The following KDM2B variants were observed in gnomAD, a reference collection of about 807,000 sequenced individuals.
The protein encoded by KDM2B is lysine demethylase 2B, also known as lysine-specific demethylase 2B.
In KDM2B, 26 loss-of-function variants were observed where a neutral mutation model predicts 150.0. The observed-to-expected ratio is 0.17, with a 90% confidence interval of 0.13 to 0.24. The LOEUF (loss-of-function observed/expected upper bound fraction) is 0.24, where lower values mean the gene tolerates loss of function less well. Ranked by LOEUF, KDM2B falls within the 10% of genes least tolerant of loss-of-function variation. KDM2B has a pLI of 1.00. For synonymous variants in KDM2B, 734 were observed against 729.5 expected (o/e 1.01, Z -0.10); for missense variants, 1,265 against 1,816.9 (o/e 0.70, Z 5.52).
At position 121,467,176 on chromosome 12, in the gene KDM2B, A is replaced by G. The variant is rs1555294994; in HGVS notation, c.1735-13832T>C. 17 of 1,119,896 alleles carry G rather than the reference A, an allele frequency of 1.5e-5. No homozygotes were observed. The highest frequency in any genetic ancestry group is 1.9e-5 in the Non-Finnish European group (17 of 898,074). 69.4% of individuals were successfully genotyped at this position (1,119,896 alleles called of 1,614,324 possible). The stretch of plus-strand genomic sequence containing the variant: ...CGCCGACCTGGTCCGGCTCCGATTC[A>G]TAGTCGTCGTCCTCGGCGCTCACGG... On this transcript the variant is annotated intron_variant, in intron 12 of 22. Transcript: ENST00000377071. This position sits in a 1 kb window ranked among gnomAD's most constrained non-coding sequence, Gnocchi z 5.1.
chr12:121,423,098 T>G, the KDM2B span, among the ~76,000 whole-genome samples: 3 of 152,264 alleles, frequency 2.0e-5, no homozygotes, highest in African/African-American at 7.2e-5. The surrounding 1 kb of genome is among the most constrained non-coding windows in gnomAD (Gnocchi z 4.3). Flanking sequence ...CTATCACAGA[T>G]GTCTTGAATT....
chr12:121,421,467 T>TGCTTG, the KDM2B span, among the ~76,000 whole-genome samples: 1 of 149,562 alleles, frequency 6.7e-6, no homozygotes, highest in Non-Finnish European at 1.5e-5. Context: ...GGGGGAGGAT[T>TGCTTG]GCTTGAGCCT....
intron 4 of KDM2B, among the ~76,000 whole-genome samples, chr12:121,551,318 C>T (rs1889471216): frequency 6.6e-6 from 1 of 151,678 alleles, no homozygotes; most frequent in South Asian, 2.1e-4. Flanking sequence ...TTGAGACCAG[C>T]CTGGGGAACA....
Position 121,452,976 on chromosome 12 carries a change from C to T in KDM2B, c.1959+144G>A, listed in dbSNP as rs782515302. On this transcript the variant is annotated intron_variant, in intron 13 of 22. Transcript: ENST00000377071. This position sits in a 1 kb window ranked among gnomAD's most constrained non-coding sequence, Gnocchi z 4.4. The stretch of plus-strand genomic sequence containing the variant: ...GCCTGCGAAGCGGCCAGCGCCTTCC[C>T]GTCCACAGGAAGAGCTCTCGGGGAG... 62 of 754,966 alleles carry T rather than the reference C, an allele frequency of 8.2e-5. No homozygotes were observed. The highest frequency in any genetic ancestry group is 1.2e-4 in the Non-Finnish European group (57 of 486,072). 46.8% of individuals were successfully genotyped at this position (754,966 alleles called of 1,614,324 possible).
rs1166095926 is a variant in KDM2B, at chr12:121,546,366, CT to C, written c.683+2510del. Among the ~76,000 whole-genome samples the C allele has an allele frequency of 9.4e-4, 116 of 123,502 alleles. 1 individual carries two copies. The highest frequency in any genetic ancestry group is 1.1e-3 in the Non-Finnish European group (64 of 58,900). The allele number at this position is 123,502 out of a possible 152,430, so 81.0% of individuals were successfully genotyped here. A position where few individuals can be genotyped will look rare whatever the true frequency, so the allele number is the denominator to read the frequency against. ...TTCACTTCTCTCCCATCTCCTCTGT[CT>C]TTTTTTTTTGCCTTTTTTTTTTTTT... On this transcript the variant is annotated intron_variant, in intron 6 of 22. Coordinates refer to ENST00000377071, the MANE Select transcript of KDM2B (RefSeq NM_032590.5).
At chr12:121,477,578 C>CG (rs1566314855) in intron 12 of KDM2B, among the ~76,000 whole-genome samples, 8 of 87,550 alleles carry the variant, frequency 9.1e-5, no homozygotes, top group African/African-American at 7.3e-4. Flanking sequence ...TTTTGTCTTT[C>CG]CTTTTTTTTT....
intron 12 of KDM2B, among the ~76,000 whole-genome samples, chr12:121,456,471 C>T (rs548429666): frequency 1.3e-5 from 2 of 152,310 alleles, no homozygotes; most frequent in South Asian, 4.1e-4. Context: ...CTATGGGCGG[C>T]GTCTAAGGCC....
rs529392943 is a variant in KDM2B, at chr12:121,440,608, G to A, written c.3610+208C>T. ...TCAACAGGAAAGCAGAGAGACGCAC[G>A]CGGAGCCCCAGGAGCGAGTCTCACG... On this transcript the variant is annotated intron_variant, in intron 21 of 22. Coordinates refer to ENST00000377071, the MANE Select transcript of KDM2B (RefSeq NM_032590.5). 154 of 547,266 alleles carry A rather than the reference G, an allele frequency of 2.8e-4. No individual in the cohort carries two copies. The South Asian group carries it at 3.8e-3, about 13-fold the overall frequency. The allele number at this position is 547,266 out of a possible 1,614,324, so 33.9% of individuals were successfully genotyped here. A position where few individuals can be genotyped will look rare whatever the true frequency, so the allele number is the denominator to read the frequency against.
intron 1 of KDM2B, chr12:121,579,989 G>GA (rs35855511): frequency 0.1 from 120,308 of 1,181,390 alleles, 142 homozygotes; most frequent in Non-Finnish European, 0.11. Context: ...TACAGATTTG[G>GA]AAAAAAAAAA....
intron 9 of KDM2B, chr12:121,516,714 C>T: frequency 1.6e-6 from 1 of 629,736 alleles, no homozygotes; most frequent in East Asian, 2.7e-5. Context: ...CTCAGCCCTT[C>T]CTCGGAGGTC....
At chr12:121,580,530 G>A (rs1891892842) in intron 1 of KDM2B, 1 of 1,269,494 alleles carries the variant, frequency 7.9e-7, no homozygotes, top group Non-Finnish European at 1.0e-6. Flanking sequence ...ACTTTTGGAG[G>A]GCCGAGTTGC....
intron 12 of KDM2B, among the ~76,000 whole-genome samples, chr12:121,474,274 G>A (rs1030609136): frequency 7.2e-5 from 11 of 152,058 alleles, no homozygotes; most frequent in African/African-American, 2.7e-4. Context: ...AGCACTTTGG[G>A]AGGCCGAGGT....
intron 12 of KDM2B, among the ~76,000 whole-genome samples, chr12:121,479,386 G>T (rs950881291): frequency 2.0e-5 from 3 of 150,310 alleles, no homozygotes; most frequent in Non-Finnish European, 3.0e-5. Context: ...AGAATGGCGT[G>T]AACCCGGGAG....
intron 12 of KDM2B, among the ~76,000 whole-genome samples, chr12:121,472,710 A>C (rs1880895628): frequency 6.6e-6 from 1 of 151,994 alleles, no homozygotes; most frequent in Admixed American, 6.6e-5. Context: ...TTTTTCCACC[A>C]CTCACCCCAT....
At position 121,532,903 on chromosome 12, in the gene KDM2B, C is replaced by T; in HGVS notation, c.834G>A (p.Val278=). 1.2e-6 allele frequency: 2 copies of T among 1,614,264 alleles called. No homozygotes were observed. The highest frequency in any genetic ancestry group is 1.7e-6 in the Non-Finnish European group (2 of 1,180,048). ...AGATGTCACTCTGTTTGCCTGACAG[C>T]ACCCACTCCTCGTACAGCGCCAAAT... ...LHNLALYEEW[V]LSGKQSDIFL... Residue 278 remains valine, a synonymous_variant, in exon 8 of 23, where the codon GTG becomes GTA. Coordinates refer to ENST00000377071, the MANE Select transcript of KDM2B (RefSeq NM_032590.5).
At chr12:121,428,233 G>A (rs963044205), downstream of KDM2B, among the ~76,000 whole-genome samples, 7 of 151,702 alleles carry the variant, frequency 4.6e-5, no homozygotes, top group African/African-American at 7.3e-5. Context: ...TCTCGCGGTC[G>A]CCAGGCTGGA....
In KDM2B at chr12:121,513,370, A is replaced by G; in HGVS notation, c.1080T>C (p.Tyr360=). Residue 360 remains tyrosine, a synonymous_variant, in exon 10 of 23, where the codon TAT becomes TAC. Transcript: ENST00000377071. The surrounding 1 kb of genome is among the most constrained non-coding windows in gnomAD (Gnocchi z 5.0). Reference sequence around the variant, plus strand: ...TCTCCAGGACATACCAGCACATCTCATAGTAGAAGGGGTAACGGAATTTGG... The same window carrying G: ...TCTCCAGGACATACCAGCACATCTCGTAGTAGAAGGGGTAACGGAATTTGG... ...VQPKFRYPFY[Y]EMCWYVLERY... 1 of 1,611,786 alleles carries G rather than the reference A, an allele frequency of 6.2e-7. No homozygotes were observed. Among genetic ancestry groups the G allele is most frequent in the African/African-American group, 1.3e-5 (1 of 74,998 alleles).
At chr12:121,580,311 G>T (rs1459298064) in intron 1 of KDM2B, 3 of 1,053,902 alleles carry the variant, frequency 2.8e-6, no homozygotes, top group Non-Finnish European at 3.4e-6. Context: ...TGCCGATCGC[G>T]CTCGGAGCCC....
At chr12:121,581,229 G>A, upstream of KDM2B, 1 of 276,644 alleles carries the variant, frequency 3.6e-6, no homozygotes, top group East Asian at 7.8e-5. Flanking sequence ...AATTGGATCT[G>A]GCGCCTCCTA....
Sources: gnomAD v4.1 joint callset for allele counts (sites outside exome capture counted in the v4.1 genomes callset) on GRCh38, gnomAD v4.1.1 for gene constraint, Gnocchi (gnomAD v3.1) non-coding constraint, MANE v1.5 for transcripts, NCBI Gene and HGNC (gene_info 2026-07-23, HGNC 2026-07-21) for gene names.